Variants in BCAM observed in about 807,000 individuals in gnomAD.
The protein encoded by BCAM is basal cell adhesion molecule.
A neutral mutation model predicts 72.4 loss-of-function variants in BCAM; 61 were observed. The ratio of observed to expected loss-of-function variants is 0.84; its 90% CI spans 0.69 to 1.04. The LOEUF is 1.04. BCAM is among the 50% of genes least tolerant of loss of function. The probability of loss-of-function intolerance (pLI) is 0.00; values close to 1 mark genes in which losing one functional copy is unlikely to be tolerated. For synonymous variants in BCAM, 408 were observed against 384.2 expected, an observed-to-expected ratio of 1.06 and a Z score of -0.73; for missense variants, 909 against 895.0, an observed-to-expected ratio of 1.02 and a Z score of -0.20.
Position 44,813,744 on chromosome 19 carries a change from A to G in BCAM, c.784+124A>G. Reference sequence around the variant, plus strand: ...CCTCCCTACTTCATGCTAAAAAAAAATGTGCTAGTGCTGGCCACTGACCTC... The same window carrying G: ...CCTCCCTACTTCATGCTAAAAAAAAGTGTGCTAGTGCTGGCCACTGACCTC... On this transcript the variant is annotated intron_variant, in intron 6 of 14. Coordinates refer to ENST00000270233, the MANE Select transcript of BCAM (RefSeq NM_005581.5). This position sits in a 1 kb window ranked among gnomAD's most constrained non-coding sequence, Gnocchi z 4.2. 7.5e-7 allele frequency: 1 copy of G among 1,336,782 alleles called. No individual in the cohort carries two copies. Among genetic ancestry groups the G allele is most frequent in the African/African-American group, 1.5e-5 (1 of 68,124 alleles). The allele number at this position is 1,336,782 out of a possible 1,614,324, so 82.8% of individuals were successfully genotyped here. A position where few individuals can be genotyped will look rare whatever the true frequency, so the allele number is the denominator to read the frequency against.
intron 2 of BCAM, 180 bp downstream of exon 2, chr19:44,811,526 C>A: frequency 3.0e-6 from 3 of 997,508 alleles, no homozygotes; most frequent in Non-Finnish European, 4.4e-6. Context: ...TAGGCACAGC[C>A]AAGTCTAGAA....
Position 44,814,279 on chromosome 19 carries a change from C to T in BCAM, c.912C>T (p.Phe304=), listed in dbSNP as rs772961216. 6.9e-6 allele frequency: 11 copies of T among 1,595,758 alleles called. No individual in the cohort carries two copies. In the South Asian group the frequency reaches 1.1e-4, roughly 16 times the overall value. The change falls in exon 7 of 15, where the codon TTC becomes TTT. Residue 304 remains phenylalanine (F), a synonymous_variant. Coordinates refer to ENST00000270233, the MANE Select transcript of BCAM (RefSeq NM_005581.5). The surrounding 1 kb of genome is among the most constrained non-coding windows in gnomAD (Gnocchi z 4.6). ...DGSPSPEYTL[F]RLQDEQEEVL... is the part of the protein sequence containing the mutation. ...GCCCCAGCCCGGAGTATACGCTTTT[C>T]CGCCTTCAGGTGACCCACCCAAGGG...
chr19:44,819,712 G>A lies in BCAM; in HGVS notation c.1749G>A (p.Arg583=), dbSNP rs758529326. The change falls in exon 13 of 15, where the codon CGG becomes CGA. Residue 583 remains arginine, a synonymous_variant. Transcript: ENST00000270233. ...GGGGCCCCTGCTGCCGCCAGCGGCG[G>A]GAGAAGGGGGCTCCGTGAGTGGCCT... ...RKGGPCCRQR[R]EKGAPPPGEP... 4 of 1,604,804 alleles carry A rather than the reference G, an allele frequency of 2.5e-6. No individual in the cohort carries two copies. The highest frequency in any genetic ancestry group is 1.1e-5 in the South Asian group (1 of 90,284).
Position 44,812,697 on chromosome 19 carries a change from C to G in BCAM, c.504+149C>G. 1.1e-6 allele frequency: 1 copy of G among 892,472 alleles called. No homozygotes were observed. The highest frequency in any genetic ancestry group is 1.7e-5 in the South Asian group (1 of 57,470). 55.3% of individuals were successfully genotyped at this position (892,472 alleles called of 1,614,324 possible). On this transcript the variant is annotated intron_variant, in intron 4 of 14. Coordinates refer to ENST00000270233, the MANE Select transcript of BCAM (RefSeq NM_005581.5). The surrounding 1 kb of genome is among the most constrained non-coding windows in gnomAD (Gnocchi z 5.3). ...AGGCGAGGTGGCTCATGCCTGTAAT[C>G]CCAGCATTTTGGGAGGCAGAGGCAG...
chr19:44,811,155 G>A lies in BCAM; in HGVS notation c.83-70G>A, dbSNP rs1288681707. 1.9e-6 allele frequency: 3 copies of A among 1,605,476 alleles called. No individual in the cohort carries two copies. In the African/African-American group the frequency reaches 4.0e-5, roughly 21 times the overall value. ...GGACCTGGACGCTTGTGTCCTGGGG[G>A]AGAGGGGACCCTGTCTGGAGGGCTC... On this transcript the variant is annotated intron_variant, in intron 1 of 14. Coordinates refer to ENST00000270233, the MANE Select transcript of BCAM (RefSeq NM_005581.5).
At chr19:44,810,248 G>A (rs1968399454) in intron 1 of BCAM, among the ~76,000 whole-genome samples, 1 of 152,140 alleles carries the variant, frequency 6.6e-6, no homozygotes. Flanking sequence ...GATCCCAGGA[G>A]TCCAGGTGCC....
At chr19:44,811,984 A>G (rs1435285134) in intron 2 of BCAM, 179 bp from the exon 3 acceptor site, 2 of 644,674 alleles carry the variant, frequency 3.1e-6, no homozygotes, top group Admixed American at 3.1e-5. Context: ...AGACAGGAAA[A>G]ATCAAGAACT....
rs1406810281 is a variant in BCAM at position 44,819,711 on chromosome 19, G to A, written c.1748G>A (p.Arg583Gln). 9.3e-6 allele frequency: 15 copies of A among 1,604,508 alleles called. No homozygotes were observed. Among genetic ancestry groups the A allele is most frequent in the Middle Eastern group, 1.7e-4 (1 of 6,004 alleles). Reference sequence around the variant, plus strand: ...GGGGGCCCCTGCTGCCGCCAGCGGCGGGAGAAGGGGGCTCCGTGAGTGGCC... The same window carrying A: ...GGGGGCCCCTGCTGCCGCCAGCGGCAGGAGAAGGGGGCTCCGTGAGTGGCC... ...RKGGPCCRQR[R>Q]EKGAPPPGEP... Residue 583 changes from arginine (R) to glutamine (Q), a missense_variant, in exon 13 of 15, where the codon CGG becomes CAG. Coordinates refer to ENST00000270233, the MANE Select transcript of BCAM (RefSeq NM_005581.5).
chr19:44,818,133 A>C lies in BCAM; in HGVS notation c.1079-389A>C, dbSNP rs1402904811. Among the ~76,000 whole-genome samples, 1 of 152,236 alleles carries C rather than the reference A, an allele frequency of 6.6e-6. No homozygotes were observed. The highest frequency in any genetic ancestry group is 1.5e-5 in the Non-Finnish European group (1 of 68,044). Reference sequence around the variant, plus strand: ...ACATAGCAACACCTTGTCTCTATTCAAAAACAAAACTTTGCAGAAAAGATG... The same window carrying C: ...ACATAGCAACACCTTGTCTCTATTCCAAAACAAAACTTTGCAGAAAAGATG... On this transcript the variant is annotated intron_variant, in intron 8 of 14. Transcript: ENST00000270233. The surrounding 1 kb of genome is among the most constrained non-coding windows in gnomAD (Gnocchi z 4.6).
chr19:44,812,549 G>A lies in BCAM; in HGVS notation c.504+1G>A, dbSNP rs151150182. The A allele has an allele frequency of 8.7e-6, 14 of 1,614,020 alleles. No homozygotes were observed. The highest frequency in any genetic ancestry group is 1.7e-5 in the Admixed American group (1 of 59,994). On this transcript the variant is annotated splice_donor_variant, in intron 4 of 14. Transcript: ENST00000270233. LOFTEE classifies it high-confidence loss of function. This position sits in a 1 kb window ranked among gnomAD's most constrained non-coding sequence, Gnocchi z 5.3. ...TGTGATGGAGGACTCTGCCCAGGAG[G>A]TACCTCTCGGGTGGACCTTGGCCCC... is the stretch of plus-strand genomic sequence containing the variant.
chr19:44,818,958 C>G lies in BCAM; in HGVS notation c.1336+76C>G. On this transcript the variant is annotated intron_variant, in intron 10 of 14. Coordinates refer to ENST00000270233, the MANE Select transcript of BCAM (RefSeq NM_005581.5). The surrounding 1 kb of genome is among the most constrained non-coding windows in gnomAD (Gnocchi z 4.6). The stretch of plus-strand genomic sequence containing the variant: ...GGGACCTGGACAAACAGGACGAGTT[C>G]CTGAGTCCCTGGCTGGGGACTCCAT... 1.3e-6 allele frequency: 2 copies of G among 1,597,062 alleles called. No homozygotes were observed. Among genetic ancestry groups the G allele is most frequent in the Non-Finnish European group, 1.7e-6 (2 of 1,170,032 alleles).
In BCAM at chr19:44,819,411, C is replaced by G. The variant is rs202118823; in HGVS notation, c.1539C>G (p.Ser513Arg). 1 of 1,613,960 alleles carries G rather than the reference C, an allele frequency of 6.2e-7. No homozygotes were observed. The highest frequency in any genetic ancestry group is 2.2e-5 in the East Asian group (1 of 44,894). ...GCTCTCTGACCCTGAAAGTGACCAG[C>G]GCCCTGAGCCGCGATGGCATCTCCT... ...VSSSLTLKVTSALSRDGISCE... is the reference protein window; with the variant it reads ...VSSSLTLKVTRALSRDGISCE... Residue 513 changes from serine (S) to arginine (R), a missense_variant, in exon 12 of 15, where the codon AGC (serine) becomes AGG (arginine). By Grantham distance (110) the Ser-to-Arg change is moderately radical. Transcript: ENST00000270233.
At chr19:44,810,683 C>G (rs953804965) in intron 1 of BCAM, among the ~76,000 whole-genome samples, 1 of 152,176 alleles carries the variant, frequency 6.6e-6, no homozygotes, top group Non-Finnish European at 1.5e-5. Flanking sequence ...GTGCTGGAGG[C>G]AAATGGCTGA....
At position 44,819,721 on chromosome 19, in the gene BCAM, G is replaced by C; in HGVS notation, c.1758G>C (p.Gly586=). The change falls in exon 13 of 15, where the codon GGG becomes GGC. Residue 586 remains glycine, a synonymous_variant. Transcript: ENST00000270233. ...GCTGCCGCCAGCGGCGGGAGAAGGG[G>C]GCTCCGTGAGTGGCCTGCTATCTGC... ...GPCCRQRREK[G]APPPGEPGLS... 6.2e-7 allele frequency: 1 copy of C among 1,600,042 alleles called. No homozygotes were observed. Among genetic ancestry groups the C allele is most frequent in the African/African-American group, 1.3e-5 (1 of 74,270 alleles).
At chr19:44,815,075 C>T (rs1244298096) in intron 8 of BCAM, among the ~76,000 whole-genome samples, 1 of 152,110 alleles carries the variant, frequency 6.6e-6, no homozygotes, top group Non-Finnish European at 1.5e-5. Context: ...ACCTGACCCT[C>T]CTCTGCTCAG....
rs199665533 is a variant in BCAM, at chr19:44,811,275, C to A, written c.133C>A (p.Arg45=). 2 of 1,613,186 alleles carry A rather than the reference C, an allele frequency of 1.2e-6. No homozygotes were observed. Among genetic ancestry groups the A allele is most frequent in the Non-Finnish European group, 8.5e-7 (1 of 1,179,930 alleles). The change falls in exon 2 of 15, where the codon CGA becomes AGA. Residue 45 remains arginine, a synonymous_variant. Transcript: ENST00000270233. The part of the protein sequence containing the change: ...LSVPPLVEVM[R]GKSVILDCTP... ...TGTACCCCCGCTGGTGGAGGTGATG[C>A]GAGGAAAGTCTGTCATTCTGGACTG...
chr19:44,812,355 G>A lies in BCAM; in HGVS notation c.397G>A (p.Gly133Ser). 6.8e-6 allele frequency: 11 copies of A among 1,613,726 alleles called. No homozygotes were observed. The highest frequency in any genetic ancestry group is 9.3e-6 in the Non-Finnish European group (11 of 1,179,782). ...YVCVVRAGAA[G>S]TAEATARLNV... ...GTGCGTGGTGAGGGCAGGGGCGGCAGGCACTGCTGAGGCCACTGCGCGGCT... is the reference window on the plus strand; with the variant it reads ...GTGCGTGGTGAGGGCAGGGGCGGCAAGCACTGCTGAGGCCACTGCGCGGCT... The change falls in exon 3 of 15, where the codon GGC (glycine) becomes AGC (serine). Residue 133 changes from glycine (G) to serine (S), a missense_variant. Physicochemically the swap from Gly to Ser is moderately conservative, Grantham distance 56 (BLOSUM62 0). Transcript: ENST00000270233. This position sits in a 1 kb window ranked among gnomAD's most constrained non-coding sequence, Gnocchi z 5.3.
chr19:44,820,676 C>G, intron 13 of BCAM, 29 bp from the exon 14 acceptor site: 1 of 1,389,426 alleles, frequency 7.2e-7, no homozygotes, highest in Non-Finnish European at 9.4e-7. Context: ...TCCAACACGA[C>G]GCCTCCGCCC....
In BCAM at chr19:44,813,125, G is replaced by A; in HGVS notation, c.505-125G>A. The A allele has an allele frequency of 1.9e-6, 2 of 1,077,648 alleles. No individual in the cohort carries two copies. Among genetic ancestry groups the A allele is most frequent in the South Asian group, 1.5e-5 (1 of 64,950 alleles). 66.8% of individuals were successfully genotyped at this position (1,077,648 alleles called of 1,614,324 possible). On this transcript the variant is annotated intron_variant, in intron 4 of 14. Transcript: ENST00000270233. This position sits in a 1 kb window ranked among gnomAD's most constrained non-coding sequence, Gnocchi z 4.2. ...CGGGGACTAGGAATTTGGACTCCTG[G>A]GTCCTGGGAGAGTCGGGAGTTAGGA...
Sources: gnomAD v4.1 joint callset for allele counts (sites outside exome capture counted in the v4.1 genomes callset) on GRCh38, gnomAD v4.1.1 for gene constraint, Gnocchi (gnomAD v3.1) non-coding constraint, MANE v1.5 for transcripts, NCBI Gene and HGNC (gene_info 2026-07-23, HGNC 2026-07-21) for gene names.